The following EHD2 variants were observed in gnomAD, a reference collection of about 807,000 sequenced individuals.
EHD2 encodes the protein EH domain-containing protein 2.
A neutral mutation model predicts 41.0 loss-of-function variants in EHD2; 27 were observed. That is an observed-to-expected ratio of 0.66 (90% CI 0.49 to 0.91). The LOEUF is 0.91. Among genes scored for constraint, EHD2 ranks in the 40% least tolerant of loss-of-function variants. EHD2 has a pLI of 0.00. For missense variants in EHD2, 673 were observed against 773.9 expected (o/e 0.87, Z 1.55); for synonymous variants, 342 against 341.0 (o/e 1.00, Z -0.03).
chr19:47,716,512 T>A, intron 1 of EHD2, 46 bp from the exon 2 acceptor site: 1 of 1,363,336 alleles, frequency 7.3e-7, no homozygotes, highest in Non-Finnish European at 9.6e-7. Context: ...CCTTTCTTCC[T>A]CCTTGGCTGG....
chr19:47,732,876 G>A (rs2123654006), intron 4 of EHD2: 1 of 152,048 alleles, frequency 6.6e-6, no homozygotes, highest in South Asian at 2.1e-4. Flanking sequence ...CTGAGATCAG[G>A]AGTTCAAGAC....
rs529368104 is a variant in EHD2 at position 47,733,640 on chromosome 19, C to A, written c.916-2729C>A. 3.3e-5 allele frequency among the ~76,000 whole-genome samples: 5 copies of A among 150,032 alleles called. No individual in the cohort carries two copies. The Admixed American group carries it at 3.4e-4, about 10-fold the overall frequency. On this transcript the variant is annotated intron_variant, in intron 4 of 5. Coordinates refer to ENST00000263277, the MANE Select transcript of EHD2 (RefSeq NM_014601.4). ...CGAGATTGAGCCACTGCACTCCAGCCTGGGCGGCAGAGTGAGACTCTGTCT... is the reference window on the plus strand; with the variant it reads ...CGAGATTGAGCCACTGCACTCCAGCATGGGCGGCAGAGTGAGACTCTGTCT...
At chr19:47,740,202 C>CA (rs1329863483) in intron 5 of EHD2, among the ~76,000 whole-genome samples, 2 of 150,002 alleles carry the variant, frequency 1.3e-5, no homozygotes, top group Non-Finnish European at 3.0e-5. Context: ...TTGGTCTCTA[C>CA]AAAAAATTTT....
At chr19:47,717,901 C>G (rs1440701179) in intron 2 of EHD2, among the ~76,000 whole-genome samples, 1 of 114,864 alleles carries the variant, frequency 8.7e-6, no homozygotes, top group Non-Finnish European at 1.7e-5. Context: ...GAGCGAGACT[C>G]TGTCTAAAAA....
intron 3 of EHD2, among the ~76,000 whole-genome samples, chr19:47,722,596 G>T (rs1223771533): frequency 6.8e-6 from 1 of 147,958 alleles, no homozygotes; most frequent in Non-Finnish European, 1.5e-5. Flanking sequence ...ACGGAGTTTC[G>T]CTCTTGTTGC....
rs753444147 is a variant in EHD2, at chr19:47,716,643, C to T, written c.31C>T (p.Arg11Trp). The change falls in exon 2 of 6, where the codon CGG (arginine) becomes TGG (tryptophan). Residue 11 changes from arginine (R) to tryptophan (W), a missense_variant. Transcript: ENST00000263277. MFSWLKRGGARGQQPEAIRTV... is the reference protein window; with the variant it reads MFSWLKRGGAWGQQPEAIRTV... ...CAGCTGGCTGAAGCGGGGCGGGGCA[C>T]GGGGCCAGCAGCCCGAGGCCATCCG... is the stretch of plus-strand genomic sequence containing the variant. The T allele has an allele frequency of 1.5e-5, 23 of 1,565,340 alleles. No individual in the cohort carries two copies. The highest frequency in any genetic ancestry group is 4.6e-5 in the East Asian group (2 of 43,822).
chr19:47,725,440 G>C (rs184538162), intron 3 of EHD2, among the ~76,000 whole-genome samples: 1 of 150,408 alleles, frequency 6.6e-6, no homozygotes, highest in Admixed American at 6.6e-5. Context: ...GTGGTGATGC[G>C]CGCCTGCAGT....
intron 3 of EHD2, among the ~76,000 whole-genome samples, chr19:47,722,701 G>A (rs1034964293): frequency 6.6e-6 from 1 of 152,064 alleles, no homozygotes; most frequent in Non-Finnish European, 1.5e-5. Flanking sequence ...GAATAGCTGG[G>A]ATTACAGGTG....
rs1343480829 is a variant in EHD2 at position 47,726,224 on chromosome 19, AG to A, written c.915+1del. 1 of 1,504,208 alleles carries A rather than the reference AG, an allele frequency of 6.6e-7. No individual in the cohort carries two copies. Among genetic ancestry groups the A allele is most frequent in the Non-Finnish European group, 8.9e-7 (1 of 1,124,830 alleles). The allele number at this position is 1,504,208 out of a possible 1,614,324, so 93.2% of individuals were successfully genotyped here. A position where few individuals can be genotyped will look rare whatever the true frequency, so the allele number is the denominator to read the frequency against. On this transcript the variant is annotated splice_donor_variant, in intron 4 of 5. Coordinates refer to ENST00000263277, the MANE Select transcript of EHD2 (RefSeq NM_014601.4). LOFTEE classifies it high-confidence loss of function. The stretch of plus-strand genomic sequence containing the variant: ...TGGTGAAGAGGGCCCGGCTGGTGCG[AG>A]TGAGTAGTCCTGAGGGCTGGGCGCG...
chr19:47,720,315 C>T (rs547288971), intron 3 of EHD2, among the ~76,000 whole-genome samples: 91 of 152,164 alleles, frequency 6.0e-4, no homozygotes, highest in African/African-American at 6.0e-4. Context: ...AGGCGCCCGC[C>T]GCACCCATGT....
At chr19:47,725,612 A>C (rs891455764) in intron 3 of EHD2, among the ~76,000 whole-genome samples, 200 bp from the exon 4 acceptor site, 1 of 152,114 alleles carries the variant, frequency 6.6e-6, no homozygotes, top group African/African-American at 2.4e-5. Flanking sequence ...GCGAGGGGGG[A>C]AATTCTGGGC....
intron 3 of EHD2, among the ~76,000 whole-genome samples, chr19:47,724,129 A>T (rs1599891731): frequency 6.7e-6 from 1 of 149,204 alleles, no homozygotes; most frequent in African/African-American, 2.5e-5. Context: ...CCCAGACTGG[A>T]GTGCAGTGAT....
At chr19:47,721,451 T>C (rs576266924) in intron 3 of EHD2, among the ~76,000 whole-genome samples, 11 of 151,748 alleles carry the variant, frequency 7.2e-5, no homozygotes, top group Non-Finnish European at 1.2e-4. Flanking sequence ...GTAGCTGGGA[T>C]TACAGGCGCC....
chr19:47,730,104 C>G (rs914937418), intron 4 of EHD2, among the ~76,000 whole-genome samples: 1 of 152,034 alleles, frequency 6.6e-6, no homozygotes, highest in East Asian at 1.9e-4. Flanking sequence ...GGTGCCCCCG[C>G]CGGGCTGGGG....
At chr19:47,718,361 G>T in intron 2 of EHD2, 148 bp from the exon 3 acceptor site, 1 of 600,530 alleles carries the variant, frequency 1.7e-6, no homozygotes. Context: ...CTCTGAGATG[G>T]TCCTGGTTGC....
intron 2 of EHD2, among the ~76,000 whole-genome samples, chr19:47,718,242 C>T (rs1396546679): frequency 5.6e-5 from 8 of 141,722 alleles, no homozygotes; most frequent in Non-Finnish European, 1.2e-4. Flanking sequence ...CATTGCACTC[C>T]AGCCTGGGCG....
chr19:47,717,660 G>C (rs946370711), intron 2 of EHD2, among the ~76,000 whole-genome samples: 4 of 151,778 alleles, frequency 2.6e-5, no homozygotes, highest in African/African-American at 7.3e-5. Flanking sequence ...TAATCCCAGC[G>C]CTTTGGGAGG....
rs1457294366 is a variant in EHD2, at chr19:47,728,517, TTC to T, written c.915+2297_915+2298del. ...TTCTCCTCTCCTCTCCTTTCTCTCT[TTC>T]TCTGTTTCTCTTTCTCTCTTTCTTT... On this transcript the variant is annotated intron_variant, in intron 4 of 5. Transcript: ENST00000263277. Among the ~76,000 whole-genome samples, 6 of 151,908 alleles carry T rather than the reference TTC, an allele frequency of 3.9e-5. 1 individual carries two copies. The highest frequency in any genetic ancestry group is 2.6e-4 in the Admixed American group (4 of 15,232).
intron 1 of EHD2, 21 bp from the exon 2 acceptor site, chr19:47,716,537 T>C (rs1370760343): frequency 3.5e-6 from 5 of 1,433,216 alleles, no homozygotes; most frequent in East Asian, 2.5e-5. Flanking sequence ...CCTATGCTCA[T>C]GCCCTCTCCC....
Sources: allele counts gnomAD v4.1 joint callset (sites outside exome capture counted in the v4.1 genomes callset), GRCh38; gene constraint gnomAD v4.1.1; transcripts MANE v1.5; gene names NCBI Gene and HGNC (gene_info 2026-07-23, HGNC 2026-07-21).